The following GAS6 variants were observed in gnomAD, a reference collection of about 807,000 sequenced individuals.
GAS6 encodes growth arrest-specific protein 6.
Under a neutral mutation model 75.8 loss-of-function variants are expected in GAS6, and 41 were observed. The ratio of observed to expected loss-of-function variants is 0.54; its 90% CI spans 0.42 to 0.70. GAS6 has a LOEUF of 0.70. Among genes scored for constraint, GAS6 ranks in the 30% least tolerant of loss-of-function variants. GAS6 has a pLI of 0.00. For synonymous variants in GAS6, 432 were observed against 412.6 expected, an observed-to-expected ratio of 1.05 and a Z score of -0.57; for missense variants, 854 against 940.2, an observed-to-expected ratio of 0.91 and a Z score of 1.20.
intron 2 of GAS6, among the ~76,000 whole-genome samples, chr13:113,862,832 G>A (rs2051983156): frequency 6.6e-6 from 1 of 152,218 alleles, no homozygotes; most frequent in African/African-American, 2.4e-5. Context: ...CCTGACTTCA[G>A]GGCGGGAGGG....
At position 113,828,687 on chromosome 13, in the gene GAS6, T is replaced by G. The variant is rs142494562; in HGVS notation, c.1168A>C (p.Asn390His). 1.1e-5 allele frequency: 17 copies of G among 1,613,292 alleles called. No homozygotes were observed. Among genetic ancestry groups the G allele is most frequent in the Non-Finnish European group, 1.4e-5 (16 of 1,179,980 alleles). The change falls in exon 11 of 15, where the codon AAT becomes CAT. Residue 390 changes from asparagine (N) to histidine (H), a missense_variant. Transcript: ENST00000327773. ...QTISVEELAR[N>H]LVIKVNRDAV... is the part of the protein sequence containing the mutation. ...TCCCTGTTGACCTTGATGACCAGATTCCGCGCCAGCTCCTCAACAGAGATC... is the reference window on the plus strand; with the variant it reads ...TCCCTGTTGACCTTGATGACCAGATGCCGCGCCAGCTCCTCAACAGAGATC...
At chr13:113,825,317 G>C (rs984125719) in intron 12 of GAS6, among the ~76,000 whole-genome samples, 1 of 150,752 alleles carries the variant, frequency 6.6e-6, no homozygotes, top group African/African-American at 2.4e-5. Flanking sequence ...CAAGGGCACC[G>C]GCCTCTGCTC....
rs1484604981 is a variant in GAS6, at chr13:113,823,359, G to A, written c.1653+16C>T. 1.3e-6 allele frequency: 2 copies of A among 1,599,970 alleles called. No homozygotes were observed. Among genetic ancestry groups the A allele is most frequent in the Non-Finnish European group, 1.7e-6 (2 of 1,171,332 alleles). On this transcript the variant is annotated intron_variant, in intron 13 of 14. Coordinates refer to ENST00000327773, the MANE Select transcript of GAS6 (RefSeq NM_000820.4). ...GGTCGAGCCGGTCAGGACGCCCTGGGTGGCGGAGGCCCTACCTGCTTCTTG... is the reference window on the plus strand; with the variant it reads ...GGTCGAGCCGGTCAGGACGCCCTGGATGGCGGAGGCCCTACCTGCTTCTTG...
At chr13:113,839,617 G>C in intron 5 of GAS6, 111 bp downstream of exon 5, 1 of 1,430,510 alleles carries the variant, frequency 7.0e-7, no homozygotes, top group Non-Finnish European at 9.5e-7. Context: ...CCTTGGGGCT[G>C]TCGGAGAGCA....
rs1157274741 is a variant in GAS6 at position 113,845,013 on chromosome 13, G to A, written c.343+1514C>T. The A allele has an allele frequency of 6.8e-6, 1 of 147,104 alleles. No individual in the cohort carries two copies. Among genetic ancestry groups the A allele is most frequent in the African/African-American group, 2.7e-5 (1 of 37,182 alleles). The allele number at this position is 147,104 out of a possible 1,614,324, so 9.1% of individuals were successfully genotyped here. The stretch of plus-strand genomic sequence containing the variant: ...GAATTTAAAAGAAGAGACTGGTTTA[G>A]CAATCACTAAGATAAAACACGCGTG... On this transcript the variant is annotated intron_variant, in intron 4 of 14. Coordinates refer to ENST00000327773, the MANE Select transcript of GAS6 (RefSeq NM_000820.4). This position sits in a 1 kb window ranked among gnomAD's most constrained non-coding sequence, Gnocchi z 4.3.
chr13:113,826,460 GCCGGC>G (rs2051543027), intron 12 of GAS6, among the ~76,000 whole-genome samples: 4 of 96,176 alleles, frequency 4.2e-5, no homozygotes, highest in Non-Finnish European at 8.6e-5. Flanking sequence ...GCCTCCCGGC[GCCGGC>G]CTCGCAGGCA....
At chr13:113,825,741 T>C (rs984587036) in intron 12 of GAS6, among the ~76,000 whole-genome samples, 8 of 152,262 alleles carry the variant, frequency 5.3e-5, no homozygotes, top group African/African-American at 1.9e-4. Context: ...AGAACGCGTG[T>C]GCACAGTCAG....
chr13:113,860,524 G>A (rs540446009), intron 2 of GAS6, among the ~76,000 whole-genome samples: 20 of 152,278 alleles, frequency 1.3e-4, no homozygotes, highest in African/African-American at 4.6e-4. Context: ...GATGGCCTTC[G>A]AGGATTTAGT....
At chr13:113,846,399 A>G (rs1594205670) in intron 4 of GAS6, 128 bp downstream of exon 4, 1 of 689,936 alleles carries the variant, frequency 1.4e-6, no homozygotes, top group East Asian at 2.7e-5. Flanking sequence ...AAAAGGGAGC[A>G]GGCCTCGGCA....
intron 11 of GAS6, 90 bp downstream of exon 11, chr13:113,828,455 AAC>A: frequency 7.4e-7 from 1 of 1,345,994 alleles, no homozygotes; most frequent in South Asian, 1.5e-5. Flanking sequence ...GTTAATGGTA[AAC>A]ACAGGGCAGG....
At chr13:113,821,590 G>A in intron 14 of GAS6, 1 of 288,012 alleles carries the variant, frequency 3.5e-6, no homozygotes, top group Non-Finnish European at 6.5e-6. Context: ...TCTGTTCGCT[G>A]CTAACAGCTG....
chr13:113,823,408 T>G lies in GAS6; in HGVS notation c.1620A>C (p.Val540=), dbSNP rs1444938508. The change falls in exon 13 of 15, where the codon GTA becomes GTC. Residue 540 remains valine, a synonymous_variant. Transcript: ENST00000327773. ...TGAGTTTCTTCGTGGAGTGATAGTC[T>G]ACCAGTGCCACAGAGAGAGGCACGG... The part of the protein sequence containing the change: ...LRAVPLSVAL[V]DYHSTKKLKK... The G allele has an allele frequency of 2.5e-6, 4 of 1,612,356 alleles. No individual in the cohort carries two copies. In the Admixed American group the frequency reaches 6.7e-5, roughly 27 times the overall value.
At chr13:113,825,238 A>G (rs944555203) in intron 12 of GAS6, among the ~76,000 whole-genome samples, 10 of 149,298 alleles carry the variant, frequency 6.7e-5, no homozygotes, top group African/African-American at 2.0e-4. Context: ...CCGTCTCAAA[A>G]AAAAAAAAAA....
At position 113,845,262 on chromosome 13, in the gene GAS6, C is replaced by G. The variant is rs1452069213; in HGVS notation, c.343+1265G>C. ...AAGTCCGGGAGGCCAGAGACGCCCACGGACAGTGCGTGGGGCTTGGGGAGC... is the reference window on the plus strand; with the variant it reads ...AAGTCCGGGAGGCCAGAGACGCCCAGGGACAGTGCGTGGGGCTTGGGGAGC... On this transcript the variant is annotated intron_variant, in intron 4 of 14. Transcript: ENST00000327773. This position sits in a 1 kb window ranked among gnomAD's most constrained non-coding sequence, Gnocchi z 4.3. 1 of 150,340 alleles carries G rather than the reference C, an allele frequency of 6.7e-6. No homozygotes were observed. The highest frequency in any genetic ancestry group is 6.6e-5 in the Admixed American group (1 of 15,234). 9.3% of individuals were successfully genotyped at this position (150,340 alleles called of 1,614,324 possible). A position where few individuals can be genotyped will look rare whatever the true frequency, so the allele number is the denominator to read the frequency against.
Position 113,862,584 on chromosome 13 carries a change from G to A in GAS6, c.255+991C>T, listed in dbSNP as rs573575019. 3.3e-4 allele frequency among the ~76,000 whole-genome samples: 50 copies of A among 152,334 alleles called. No homozygotes were observed. In the South Asian group the frequency reaches 9.3e-3, roughly 28 times the overall value. On this transcript the variant is annotated intron_variant, in intron 2 of 14. Coordinates refer to ENST00000327773, the MANE Select transcript of GAS6 (RefSeq NM_000820.4). Reference sequence around the variant, plus strand: ...GCCCCCGGGCAACAGCCCCAGGTGCGTCATCTCTGCAGGGATGAGCTATGT... The same window carrying A: ...GCCCCCGGGCAACAGCCCCAGGTGCATCATCTCTGCAGGGATGAGCTATGT...
intron 2 of GAS6, among the ~76,000 whole-genome samples, chr13:113,852,803 C>A (rs1410313414): frequency 2.0e-5 from 3 of 152,240 alleles, no homozygotes; most frequent in Non-Finnish European, 4.4e-5. Flanking sequence ...TGTAGCCTGG[C>A]CACCCATGCG....
At chr13:113,851,498 T>C (rs1303222353) in intron 2 of GAS6, among the ~76,000 whole-genome samples, 9 of 150,854 alleles carry the variant, frequency 6.0e-5, no homozygotes, top group Admixed American at 5.3e-4. Flanking sequence ...AATGAATGAA[T>C]AGGTGGGTGG....
chr13:113,833,209 A>T (rs2051651838), intron 8 of GAS6: 6 of 1,098,714 alleles, frequency 5.5e-6, no homozygotes, highest in Non-Finnish European at 5.6e-6. Flanking sequence ...ACACCCCTGG[A>T]AGATGGAGGG....
intron 2 of GAS6, among the ~76,000 whole-genome samples, chr13:113,862,415 G>C (rs571513609): frequency 1.1e-3 from 163 of 152,326 alleles, no homozygotes; most frequent in African/African-American, 3.8e-3. Context: ...GACTCCGAGC[G>C]ACCAGGGCAC....
Sources: allele counts gnomAD v4.1 joint callset (sites outside exome capture counted in the v4.1 genomes callset), GRCh38; gene constraint gnomAD v4.1.1; non-coding constraint Gnocchi (gnomAD v3.1); transcripts MANE v1.5; gene names NCBI Gene and HGNC (gene_info 2026-07-23, HGNC 2026-07-21).